Variants in SUSD1 observed in about 807,000 individuals in gnomAD.
The protein encoded by SUSD1 is sushi domain-containing protein 1.
SUSD1 carries 65 observed loss-of-function variants against 86.9 expected under a neutral mutation model. That is an observed-to-expected ratio of 0.75 (90% CI 0.61 to 0.92). The LOEUF is 0.92. SUSD1 is among the 40% of genes least tolerant of loss of function. The pLI, the probability that SUSD1 is intolerant of heterozygous loss-of-function variation, is 0.00. For missense variants in SUSD1, 850 were observed against 929.7 expected, an observed-to-expected ratio of 0.91 and a Z score of 1.11; for synonymous variants, 346 against 350.0, an observed-to-expected ratio of 0.99 and a Z score of 0.13.
chr9:112,130,413 G>A (rs1249689463), intron 5 of SUSD1, among the ~76,000 whole-genome samples: 2 of 150,102 alleles, frequency 1.3e-5, no homozygotes, highest in Admixed American at 6.7e-5. Flanking sequence ...GAACGGGAGG[G>A]GAGGGGAAAG....
chr9:112,053,763 T>C (rs1828328914), intron 14 of SUSD1, among the ~76,000 whole-genome samples: 1 of 152,106 alleles, frequency 6.6e-6, no homozygotes, highest in African/African-American at 2.4e-5. Context: ...GAAGGGAGCT[T>C]ATTAAACTGA....
At chr9:112,156,171 A>C (rs926096171) in intron 2 of SUSD1, among the ~76,000 whole-genome samples, 3 of 151,504 alleles carry the variant, frequency 2.0e-5, no homozygotes, top group Non-Finnish European at 4.4e-5. Flanking sequence ...TAAAAAAAAA[A>C]AAAACTCACT....
chr9:112,076,579 CAT>C (rs1223371226), intron 12 of SUSD1, among the ~76,000 whole-genome samples: 2 of 152,128 alleles, frequency 1.3e-5, no homozygotes, highest in African/African-American at 2.4e-5. Context: ...TTCAATAGGA[CAT>C]GTGTAGAAGT....
In SUSD1 at chr9:112,141,889, A is replaced by ATG. The variant is rs1019420665; in HGVS notation, c.706+429_706+430dup. On this transcript the variant is annotated intron_variant, in intron 5 of 16. Coordinates refer to ENST00000374270, the MANE Select transcript of SUSD1 (RefSeq NM_022486.5). ...TATACATATATGTGTGTGTATATATATGTATATATATATGTTCATTCCCAC... is the reference window on the plus strand; with the variant it reads ...TATACATATATGTGTGTGTATATATATGTGTATATATATATGTTCATTCCCAC... Among the ~76,000 whole-genome samples, 10 of 131,114 alleles carry ATG rather than the reference A, an allele frequency of 7.6e-5. No homozygotes were observed. In the South Asian group the frequency reaches 1.4e-3, roughly 19 times the overall value. The allele number at this position is 131,114 out of a possible 152,430, so 86.0% of individuals were successfully genotyped here.
intron 8 of SUSD1, among the ~76,000 whole-genome samples, chr9:112,105,917 G>C (rs1830819802): frequency 6.6e-6 from 1 of 152,176 alleles, no homozygotes; most frequent in Admixed American, 6.5e-5. Context: ...AATGATTAAT[G>C]TCTTAAATTT....
chr9:112,093,200 A>G (rs941361050), intron 10 of SUSD1, among the ~76,000 whole-genome samples: 1 of 152,172 alleles, frequency 6.6e-6, no homozygotes, highest in Non-Finnish European at 1.5e-5. Flanking sequence ...CCTATTCCCT[A>G]TATGTTAATC....
At chr9:112,085,302 T>C (rs1265685365) in intron 10 of SUSD1, among the ~76,000 whole-genome samples, 1 of 152,212 alleles carries the variant, frequency 6.6e-6, no homozygotes, top group East Asian at 1.9e-4. Context: ...AGGGAGTATA[T>C]AATAAATGTC....
chr9:112,120,139 C>CA (rs1373950134), intron 6 of SUSD1, among the ~76,000 whole-genome samples: 1 of 152,052 alleles, frequency 6.6e-6, no homozygotes, highest in African/African-American at 2.4e-5. Flanking sequence ...CCCGTCTCTA[C>CA]AAAAAACATT....
intron 14 of SUSD1, among the ~76,000 whole-genome samples, chr9:112,055,393 C>T (rs775006196): frequency 6.6e-6 from 1 of 152,170 alleles, no homozygotes; most frequent in Non-Finnish European, 1.5e-5. Context: ...GGCCACTGCA[C>T]TTCAGCCTGG....
intron 15 of SUSD1, among the ~76,000 whole-genome samples, chr9:112,042,840 C>T (rs148304477): frequency 2.6e-3 from 395 of 152,296 alleles, no homozygotes; most frequent in Non-Finnish European, 4.5e-3. Flanking sequence ...AAGAGGAGTG[C>T]ATTTCTATTG....
At position 112,058,858 on chromosome 9, in the gene SUSD1, A is replaced by G. The variant is rs1405210502; in HGVS notation, c.1851-172T>C. ...CACTAGGCTGGAGTACAGTGGTGCA[A>G]TCTCGGCTCACTGCAACCTCCATCT... On this transcript the variant is annotated intron_variant, in intron 13 of 16. Coordinates refer to ENST00000374270, the MANE Select transcript of SUSD1 (RefSeq NM_022486.5). 2.6e-5 allele frequency among the ~76,000 whole-genome samples: 4 copies of G among 152,050 alleles called. No homozygotes were observed. The South Asian group carries it at 8.3e-4, about 32-fold the overall frequency.
chr9:112,154,549 G>A (rs1833211194), intron 2 of SUSD1, among the ~76,000 whole-genome samples: 1 of 152,054 alleles, frequency 6.6e-6, no homozygotes, highest in East Asian at 1.9e-4. Context: ...CTATCTTTGG[G>A]GAGATCTGCA....
chr9:112,084,261 A>G (rs1829883817), intron 10 of SUSD1, among the ~76,000 whole-genome samples: 1 of 152,232 alleles, frequency 6.6e-6, no homozygotes, highest in Non-Finnish European at 1.5e-5. Context: ...CCTTCTATAG[A>G]TAATAAGTTA....
intron 2 of SUSD1, among the ~76,000 whole-genome samples, chr9:112,150,413 C>T (rs748617372): frequency 6.6e-6 from 1 of 152,214 alleles, no homozygotes; most frequent in Non-Finnish European, 1.5e-5. Flanking sequence ...TTTTATTTCA[C>T]CAGTGGGCCC....
intron 6 of SUSD1, among the ~76,000 whole-genome samples, chr9:112,118,602 A>T (rs1453750894): frequency 6.6e-6 from 1 of 152,104 alleles, no homozygotes; most frequent in African/African-American, 2.4e-5. Flanking sequence ...CTCCAGCCTC[A>T]GCCTCCCGAG....
intron 15 of SUSD1, among the ~76,000 whole-genome samples, chr9:112,051,416 TTTTTTTTTTTTTTTTTTG>T (rs1828195104): frequency 8.6e-6 from 1 of 115,912 alleles, no homozygotes; most frequent in Non-Finnish European, 1.8e-5. Flanking sequence ...TTCTTTTTTT[TTTTTTTTTTTTTTTTTTG>T]TTGTTGTTGT....
chr9:112,167,340 C>T (rs575463642), intron 1 of SUSD1, among the ~76,000 whole-genome samples: 191 of 152,166 alleles, frequency 1.3e-3, no homozygotes, highest in Non-Finnish European at 2.3e-3. Flanking sequence ...TGGGCTCAAT[C>T]GATATTCCTG....
intron 10 of SUSD1, among the ~76,000 whole-genome samples, chr9:112,094,114 A>G (rs1830305581): frequency 1.3e-5 from 2 of 152,180 alleles, no homozygotes; most frequent in Non-Finnish European, 2.9e-5. Flanking sequence ...CCAAAGGCCT[A>G]CTGAATCAGA....
At chr9:112,162,432 G>A (rs890850722) in intron 1 of SUSD1, among the ~76,000 whole-genome samples, 1 of 152,128 alleles carries the variant, frequency 6.6e-6, no homozygotes, top group African/African-American at 2.4e-5. Context: ...CCAAGCTAAG[G>A]AAGCCTGTAA....
Sources: gnomAD v4.1 joint callset for allele counts (sites outside exome capture counted in the v4.1 genomes callset) on GRCh38, gnomAD v4.1.1 for gene constraint, MANE v1.5 for transcripts, NCBI Gene and HGNC (gene_info 2026-07-23, HGNC 2026-07-21) for gene names.